Variants in DLGAP2 observed in about 807,000 individuals in gnomAD.
DLGAP2 encodes the protein disks large-associated protein 2.
In DLGAP2, 26 loss-of-function variants were observed where a neutral mutation model predicts 100.3. The ratio of observed to expected loss-of-function variants is 0.26; its 90% confidence interval spans 0.19 to 0.36. DLGAP2 has a LOEUF of 0.36. DLGAP2 is among the 10% of genes least tolerant of loss of function. The pLI, the probability that DLGAP2 is intolerant of heterozygous loss-of-function variation, is 1.00. For missense variants in DLGAP2, 1,858 were observed against 1,453.2 expected, an observed-to-expected ratio of 1.28 and a Z score of -4.53; for synonymous variants, 886 against 630.1, an observed-to-expected ratio of 1.41 and a Z score of -6.08.
rs557260781 is a variant in DLGAP2, at chr8:839,498, C to T, written c.19-68414C>T. On this transcript the variant is annotated intron_variant, in intron 1 of 14. Coordinates refer to ENST00000637795, the MANE Select transcript of DLGAP2 (RefSeq NM_001346810.2). Reference sequence around the variant, plus strand: ...CAGAAAGACAAATGCCACCTGTGCTCACTTATATGTGGAATCTAAAACATT... The same window carrying T: ...CAGAAAGACAAATGCCACCTGTGCTTACTTATATGTGGAATCTAAAACATT... Among the ~76,000 whole-genome samples the T allele has an allele frequency of 8.5e-5, 13 of 152,292 alleles. No homozygotes were observed. The South Asian group carries it at 2.1e-3, about 24-fold the overall frequency.
Position 1,595,159 on chromosome 8 carries a change from A to G in DLGAP2, c.1442+29265A>G, listed in dbSNP as rs7008173. 4.7e-3 allele frequency among the ~76,000 whole-genome samples: 687 copies of G among 147,466 alleles called. 3 individuals are homozygous for G. The highest frequency in any genetic ancestry group is 0.016 in the African/African-American group (653 of 39,610). ...GGGTGCAAGCGATTCTCCCACCTCAACCTCCCGAGTGGCTGGTATTACAGG... is the reference window on the plus strand; with the variant it reads ...GGGTGCAAGCGATTCTCCCACCTCAGCCTCCCGAGTGGCTGGTATTACAGG... On this transcript the variant is annotated intron_variant, in intron 6 of 14. Transcript: ENST00000637795.
chr8:1,004,582 T>C (rs2129018961), intron 2 of DLGAP2, among the ~76,000 whole-genome samples: 1 of 152,330 alleles, frequency 6.6e-6, no homozygotes, highest in South Asian at 2.1e-4. Context: ...CCCTCCTGTA[T>C]AGTGCCTGTG....
At chr8:1,614,873 A>T (rs1026056507) in intron 6 of DLGAP2, among the ~76,000 whole-genome samples, 2 of 152,172 alleles carry the variant, frequency 1.3e-5, no homozygotes, top group Non-Finnish European at 2.9e-5. Context: ...ACACACACAC[A>T]CGCATGCCCT....
At chr8:1,436,193 G>C (rs1434570935) in intron 3 of DLGAP2, among the ~76,000 whole-genome samples, 1 of 152,146 alleles carries the variant, frequency 6.6e-6, no homozygotes, top group Admixed American at 6.5e-5. Flanking sequence ...CCAGTCCGAG[G>C]CCCAAAACCT....
intron 8 of DLGAP2, among the ~76,000 whole-genome samples, chr8:1,647,488 C>CAAAAAAAAAAAAAAAA (rs567451595): frequency 4.4e-5 from 2 of 44,968 alleles, no homozygotes; most frequent in Non-Finnish European, 1.2e-4. Context: ...GACTCTGTCT[C>CAAAAAAAAAAAAAAAA]AAAAAAAAAA....
chr8:1,454,951 A>G (rs1213287682), intron 3 of DLGAP2, among the ~76,000 whole-genome samples: 1 of 152,042 alleles, frequency 6.6e-6, no homozygotes, highest in Non-Finnish European at 1.5e-5. Context: ...TTCCCCGCCC[A>G]TCGGGCCCCC....
chr8:1,280,135 G>A (rs1039170852), intron 3 of DLGAP2, among the ~76,000 whole-genome samples: 1 of 152,118 alleles, frequency 6.6e-6, no homozygotes, highest in African/African-American at 2.4e-5. Context: ...GTGGCTTCAG[G>A]GGTCGCATAA....
At chr8:1,570,383 G>A (rs914640835) in intron 6 of DLGAP2, among the ~76,000 whole-genome samples, 4 of 152,166 alleles carry the variant, frequency 2.6e-5, no homozygotes, top group African/African-American at 7.2e-5. Flanking sequence ...TCACTCCTGG[G>A]GGCTCTTTCA....
intron 2 of DLGAP2, among the ~76,000 whole-genome samples, chr8:1,022,632 A>G (rs1392663120): frequency 1.6e-5 from 2 of 122,710 alleles, no homozygotes; most frequent in African/African-American, 6.4e-5. Flanking sequence ...AGATGCTCCA[A>G]ACAGCACCCA....
At chr8:1,000,864 G>C (rs1800935535) in intron 2 of DLGAP2, among the ~76,000 whole-genome samples, 1 of 152,128 alleles carries the variant, frequency 6.6e-6, no homozygotes. Context: ...TGTGGGGGGA[G>C]AGGAGAGGGA....
intron 2 of DLGAP2, among the ~76,000 whole-genome samples, chr8:1,227,766 G>A (rs1798452158): frequency 6.6e-6 from 1 of 152,142 alleles, no homozygotes; most frequent in Non-Finnish European, 1.5e-5. Context: ...AGGAAAAGGA[G>A]AAATGTAGGT....
intron 1 of DLGAP2, among the ~76,000 whole-genome samples, chr8:786,956 A>G (rs1206408965): frequency 6.6e-6 from 1 of 152,136 alleles, no homozygotes; most frequent in Non-Finnish European, 1.5e-5. Context: ...CTTTCAGGTG[A>G]AGGCAGAAGG....
At chr8:1,692,508 G>A (rs1223912682) in intron 13 of DLGAP2, among the ~76,000 whole-genome samples, 1 of 152,176 alleles carries the variant, frequency 6.6e-6, no homozygotes, top group African/African-American at 2.4e-5. Context: ...CTGCAAGGGG[G>A]AGTGGAGGAC....
intron 2 of DLGAP2, among the ~76,000 whole-genome samples, chr8:1,066,456 G>A (rs995140690): frequency 6.9e-6 from 1 of 144,312 alleles, no homozygotes. Context: ...CCTTGGGCAG[G>A]TCTGGGTGAG....
chr8:1,589,738 T>C (rs1173796660), intron 6 of DLGAP2, among the ~76,000 whole-genome samples: 3 of 152,188 alleles, frequency 2.0e-5, no homozygotes, highest in Non-Finnish European at 2.9e-5. Context: ...AGGGAATACG[T>C]AGAGACAGAA....
At chr8:1,557,356 C>A (rs1438376232) in intron 5 of DLGAP2, among the ~76,000 whole-genome samples, 1 of 152,108 alleles carries the variant, frequency 6.6e-6, no homozygotes, top group Non-Finnish European at 1.5e-5. Context: ...CCTCAGGGTC[C>A]CGGAAAGAGC....
intron 2 of DLGAP2, among the ~76,000 whole-genome samples, chr8:1,110,506 G>A (rs1240087844): frequency 6.6e-6 from 1 of 151,180 alleles, no homozygotes; most frequent in Admixed American, 6.6e-5. Context: ...GTGTGCACGT[G>A]CCTGTGAAGT....
chr8:1,598,178 A>G (rs1184108866), intron 6 of DLGAP2, among the ~76,000 whole-genome samples: 3 of 152,146 alleles, frequency 2.0e-5, no homozygotes, highest in African/African-American at 7.2e-5. Flanking sequence ...ACTGATTTGC[A>G]TATGTTGAAC....
At chr8:763,602 GCAGA>G (rs772353575) in intron 1 of DLGAP2, among the ~76,000 whole-genome samples, 4 of 152,168 alleles carry the variant, frequency 2.6e-5, no homozygotes, top group Admixed American at 6.5e-5. Flanking sequence ...ATGATGAGTG[GCAGA>G]CGTTAGGCAG....
Sources: allele counts gnomAD v4.1 joint callset (sites outside exome capture counted in the v4.1 genomes callset), GRCh38; gene constraint gnomAD v4.1.1; transcripts MANE v1.5; gene names NCBI Gene and HGNC (gene_info 2026-07-23, HGNC 2026-07-21).